AGBL1: variants seen among roughly 807,000 people sequenced by gnomAD.
AGBL1 encodes the protein AGBL carboxypeptidase 1.
Under a neutral mutation model 118.9 loss-of-function variants are expected in AGBL1, and 130 were observed. The ratio of observed to expected loss-of-function variants is 1.09; its 90% CI spans 0.95 to 1.26. AGBL1 has a LOEUF of 1.26. Among genes scored for constraint, AGBL1 ranks in the 50% most tolerant of loss-of-function variants. The pLI is 0.00. For missense variants in AGBL1, 1,584 were observed against 1,298.1 expected (o/e 1.22, Z -3.38); for synonymous variants, 555 against 478.9 (o/e 1.16, Z -2.08).
At chr15:86,941,567 A>T (rs1435868827) in intron 23 of AGBL1, among the ~76,000 whole-genome samples, 1 of 152,216 alleles carries the variant, frequency 6.6e-6, no homozygotes, top group African/African-American at 2.4e-5. Flanking sequence ...GTGGCTCATG[A>T]TGGCAGAGAA....
intron 18 of AGBL1, among the ~76,000 whole-genome samples, chr15:86,443,576 A>T (rs1479285356): frequency 6.6e-6 from 1 of 152,162 alleles, no homozygotes; most frequent in African/African-American, 2.4e-5. Context: ...TTTTGTGTTT[A>T]TTAACAAACC....
chr15:86,123,439 C>T (rs1898211417), intron 1 of AGBL1, among the ~76,000 whole-genome samples: 1 of 152,152 alleles, frequency 6.6e-6, no homozygotes, highest in Non-Finnish European at 1.5e-5. Flanking sequence ...GGGGTTTTAC[C>T]ATGTTGGCCA....
chr15:86,153,203 C>A (rs1315319585), intron 3 of AGBL1, among the ~76,000 whole-genome samples: 1 of 152,182 alleles, frequency 6.6e-6, no homozygotes, highest in East Asian at 1.9e-4. Flanking sequence ...TATAAAGATA[C>A]ATGCACACAT....
At chr15:86,130,349 C>T (rs1453009953) in intron 1 of AGBL1, among the ~76,000 whole-genome samples, 3 of 151,956 alleles carry the variant, frequency 2.0e-5, no homozygotes, top group Non-Finnish European at 2.9e-5. Context: ...ATACGTTAAG[C>T]ATGAAGATCT....
intron 18 of AGBL1, among the ~76,000 whole-genome samples, chr15:86,476,513 T>C (rs1347620749): frequency 6.6e-6 from 1 of 152,172 alleles, no homozygotes; most frequent in Non-Finnish European, 1.5e-5. Flanking sequence ...AAGGGATCAA[T>C]TCAACAAGAA....
At chr15:86,949,049 A>C (rs368407713) in intron 23 of AGBL1, among the ~76,000 whole-genome samples, 2 of 152,356 alleles carry the variant, frequency 1.3e-5, no homozygotes, top group South Asian at 2.1e-4. Context: ...GTAATGAAGA[A>C]ATGGAGACAA....
intron 18 of AGBL1, among the ~76,000 whole-genome samples, chr15:86,476,293 A>G (rs1314545626): frequency 2.0e-5 from 3 of 152,224 alleles, no homozygotes; most frequent in Non-Finnish European, 4.4e-5. Flanking sequence ...GGCAAATTGG[A>G]TAAAGAATCA....
At chr15:86,181,981 TGAG>T (rs766051006) in intron 5 of AGBL1, among the ~76,000 whole-genome samples, 27 of 151,986 alleles carry the variant, frequency 1.8e-4, no homozygotes, top group Admixed American at 2.0e-4. Context: ...AAAAAGGAAT[TGAG>T]GGGAGTTTTG....
intron 17 of AGBL1, among the ~76,000 whole-genome samples, chr15:86,330,085 C>T (rs1021511140): frequency 6.6e-6 from 1 of 152,220 alleles, no homozygotes; most frequent in African/African-American, 2.4e-5. Flanking sequence ...ATCAAGAGAC[C>T]TTTAGGTGAG....
At chr15:86,105,382 C>T (rs1896996912) in intron 1 of AGBL1, 1 of 152,150 alleles carries the variant, frequency 6.6e-6, no homozygotes, top group Non-Finnish European at 1.5e-5. Flanking sequence ...ATTAGAAAGA[C>T]ATATACAAAT....
At chr15:86,587,325 C>T (rs1456021458) in intron 21 of AGBL1, among the ~76,000 whole-genome samples, 1 of 152,172 alleles carries the variant, frequency 6.6e-6, no homozygotes, top group Admixed American at 6.5e-5. Context: ...CCTTGGCCTC[C>T]TCTCAGAGTG....
intron 22 of AGBL1, among the ~76,000 whole-genome samples, chr15:86,892,850 A>G (rs961795535): frequency 2.6e-5 from 4 of 152,160 alleles, no homozygotes; most frequent in African/African-American, 9.7e-5. Context: ...CAAACACAAA[A>G]CCCTAGGGAA....
Position 86,875,414 on chromosome 15 carries a change from T to A in AGBL1, c.3159-31673T>A, listed in dbSNP as rs4312278. Reference sequence around the variant, plus strand: ...TGCTGCAGTGTAATTGGATTTTTTTTAAAAAACTTTTTACTAGAAGATTCC... The same window carrying A: ...TGCTGCAGTGTAATTGGATTTTTTTAAAAAAACTTTTTACTAGAAGATTCC... On this transcript the variant is annotated intron_variant, in intron 22 of 22. Transcript: ENST00000614907. Among the ~76,000 whole-genome samples, 292 of 152,310 alleles carry A rather than the reference T, an allele frequency of 1.9e-3. 1 individual carries two copies. Among genetic ancestry groups the A allele is most frequent in the Middle Eastern group, 6.8e-3 (2 of 294 alleles).
At chr15:86,585,773 A>G (rs1335625985) in intron 21 of AGBL1, among the ~76,000 whole-genome samples, 1 of 152,224 alleles carries the variant, frequency 6.6e-6, no homozygotes, top group Non-Finnish European at 1.5e-5. Context: ...TCTCTCTGTC[A>G]TCACTTGGTT....
chr15:86,960,409 T>A (rs1367136211), intron 23 of AGBL1, among the ~76,000 whole-genome samples: 1 of 152,070 alleles, frequency 6.6e-6, no homozygotes, highest in Non-Finnish European at 1.5e-5. Context: ...CACTCTTGTT[T>A]TATTTTCATA....
At chr15:87,004,590 G>A (rs28795436) in intron 24 of AGBL1, among the ~76,000 whole-genome samples, 15,047 of 152,002 alleles carry the variant, frequency 0.099, 1,324 homozygotes, top group African/African-American at 0.23. Flanking sequence ...GTCTCTGCAC[G>A]TGAGATGGGT....
At chr15:87,000,873 T>C (rs1033615828) in intron 24 of AGBL1, among the ~76,000 whole-genome samples, 4 of 147,820 alleles carry the variant, frequency 2.7e-5, no homozygotes, top group Non-Finnish European at 6.0e-5. Flanking sequence ...TGGCATGTTC[T>C]TCCATTTGTT....
At chr15:86,223,350 T>C (rs1597581521) in intron 5 of AGBL1, among the ~76,000 whole-genome samples, 2 of 152,170 alleles carry the variant, frequency 1.3e-5, no homozygotes, top group South Asian at 4.1e-4. Flanking sequence ...TGTGGTTTCC[T>C]TCTTCTCTGC....
At chr15:86,090,368 A>G (rs899099391) in intron 1 of AGBL1, among the ~76,000 whole-genome samples, 3 of 152,232 alleles carry the variant, frequency 2.0e-5, no homozygotes, top group Non-Finnish European at 4.4e-5. Context: ...AAATCCCCCT[A>G]TTAGATTCTA....
Sources: allele counts gnomAD v4.1 joint callset (sites outside exome capture counted in the v4.1 genomes callset), GRCh38; gene constraint gnomAD v4.1.1; transcripts MANE v1.5; gene names NCBI Gene and HGNC (gene_info 2026-07-23, HGNC 2026-07-21).